The following NCAPH2 variants were observed in gnomAD, a reference collection of about 807,000 sequenced individuals.
The protein encoded by NCAPH2 is non-SMC condensin II complex subunit H2, also known as condensin-2 complex subunit H2.
A neutral mutation model predicts 88.6 loss-of-function variants in NCAPH2; 56 were observed. The observed-to-expected ratio is 0.63, with a 90% CI of 0.51 to 0.79. NCAPH2 has a LOEUF of 0.79. Among genes scored for constraint, NCAPH2 ranks in the 30% least tolerant of loss-of-function variants. The pLI, the probability that NCAPH2 is intolerant of heterozygous loss-of-function variation, is 0.00. For synonymous variants in NCAPH2, 378 were observed against 313.6 expected, an observed-to-expected ratio of 1.21 and a Z score of -2.17; for missense variants, 794 against 792.0, an observed-to-expected ratio of 1.00 and a Z score of -0.03.
At chr22:50,515,113 A>G (rs897256103) in intron 1 of NCAPH2, among the ~76,000 whole-genome samples, 2 of 152,252 alleles carry the variant, frequency 1.3e-5, no homozygotes, top group Non-Finnish European at 2.9e-5. Context: ...CACACAGTTC[A>G]CTAAGGGACA....
chr22:50,515,324 G>A (rs1302810183), intron 1 of NCAPH2, among the ~76,000 whole-genome samples: 1 of 151,968 alleles, frequency 6.6e-6, no homozygotes, highest in East Asian at 1.9e-4. Flanking sequence ...GCTTTGGGAG[G>A]CTGAGGCAGG....
chr22:50,520,016 G>A (rs1176624766), intron 9 of NCAPH2, among the ~76,000 whole-genome samples: 1 of 151,968 alleles, frequency 6.6e-6, no homozygotes, highest in Non-Finnish European at 1.5e-5. Flanking sequence ...GACTACAGGC[G>A]CCCGCCACCA....
intron 1 of NCAPH2, among the ~76,000 whole-genome samples, chr22:50,510,721 C>T (rs555251241): frequency 1.3e-5 from 2 of 152,336 alleles, no homozygotes; most frequent in African/African-American, 4.8e-5. Flanking sequence ...TGAGCCACCA[C>T]GCCTGGCTGA....
intron 1 of NCAPH2, 142 bp from the exon 2 acceptor site, chr22:50,516,305 C>T (rs767286499): frequency 1.6e-5 from 11 of 677,938 alleles, no homozygotes; most frequent in Non-Finnish European, 2.8e-5. Flanking sequence ...ATACCAGGGA[C>T]AACCGGTGAG....
intron 1 of NCAPH2, among the ~76,000 whole-genome samples, chr22:50,511,171 T>G (rs1051837864): frequency 1.2e-4 from 18 of 147,114 alleles, no homozygotes; most frequent in Non-Finnish European, 2.1e-4. Context: ...TATTTATATG[T>G]TTTTTTTTTG....
Position 50,522,658 on chromosome 22 carries a change from T to C in NCAPH2, c.1376-13T>C. 1 of 1,613,668 alleles carries C rather than the reference T, an allele frequency of 6.2e-7. No individual in the cohort carries two copies. Among genetic ancestry groups the C allele is most frequent in the Non-Finnish European group, 8.5e-7 (1 of 1,179,990 alleles). ...GCCCCTTAGCTGCCCAGCTCACAGC[T>C]ACCCCTTCCCAGACGCAGTGCCGAT... is the stretch of plus-strand genomic sequence containing the variant. On this transcript the variant is annotated splice_polypyrimidine_tract_variant and intron_variant, in intron 16 of 19. Transcript: ENST00000420993.
At chr22:50,516,800 T>C (rs947785140) in intron 2 of NCAPH2, among the ~76,000 whole-genome samples, 9 of 152,208 alleles carry the variant, frequency 5.9e-5, no homozygotes, top group African/African-American at 2.2e-4. Context: ...CTGTGTGCAC[T>C]TGGACACAGC....
intron 15 of NCAPH2, 43 bp downstream of exon 15, chr22:50,522,458 G>A (rs375431613): frequency 5.5e-5 from 88 of 1,613,124 alleles, no homozygotes; most frequent in East Asian, 2.5e-4. Context: ...GGCACCTGCC[G>A]ACTAGCTGCC....
chr22:50,510,503 C>T (rs2148655048), intron 1 of NCAPH2, among the ~76,000 whole-genome samples: 1 of 152,246 alleles, frequency 6.6e-6, no homozygotes, highest in African/African-American at 2.4e-5. Flanking sequence ...TCTTGGCTCA[C>T]TGCAACCTCC....
chr22:50,509,748 C>T (rs556768845), intron 1 of NCAPH2, among the ~76,000 whole-genome samples: 81 of 152,226 alleles, frequency 5.3e-4, no homozygotes, highest in African/African-American at 1.6e-3. Flanking sequence ...TCCATTATGC[C>T]CAGAATAAAA....
Position 50,522,720 on chromosome 22 carries a change from G to T in NCAPH2, c.1425G>T (p.Val475=). Residue 475 remains valine, a splice_region_variant and synonymous_variant, in exon 17 of 20, where the codon GTG becomes GTT. Transcript: ENST00000420993. ...ACGAGGAGCTGGTTCGAAGGAATGTGGTAGGCCTGGGTTAGAGGGAGACGG... is the reference window on the plus strand; with the variant it reads ...ACGAGGAGCTGGTTCGAAGGAATGTTGTAGGCCTGGGTTAGAGGGAGACGG... ...LSYEELVRRN[V]ELFIATSQKF... is the part of the protein sequence containing the mutation. 6.2e-7 allele frequency: 1 copy of T among 1,613,550 alleles called. No homozygotes were observed. Among genetic ancestry groups the T allele is most frequent in the Non-Finnish European group, 8.5e-7 (1 of 1,179,968 alleles).
rs1315121212 is a variant in NCAPH2 at position 50,511,710 on chromosome 22, A to G, written c.108+3265A>G. ...GCCCAAGTTGGAGTGCAGTGGCACAATCTCGGCTCACTGCAAGCTCCATCT... is the reference window on the plus strand; with the variant it reads ...GCCCAAGTTGGAGTGCAGTGGCACAGTCTCGGCTCACTGCAAGCTCCATCT... On this transcript the variant is annotated intron_variant, in intron 1 of 19. Transcript: ENST00000420993. 1.8e-4 allele frequency among the ~76,000 whole-genome samples: 26 copies of G among 143,228 alleles called. 2 individuals are homozygous for G. The highest frequency in any genetic ancestry group is 3.1e-4 in the Non-Finnish European group (21 of 67,166). The allele number at this position is 143,228 out of a possible 152,430, so 94.0% of individuals were successfully genotyped here. A position where few individuals can be genotyped will look rare whatever the true frequency, so the allele number is the denominator to read the frequency against.
In NCAPH2 at chr22:50,522,408, G is replaced by A. The variant is rs1467614243; in HGVS notation, c.1299G>A (p.Gly433=). The A allele has an allele frequency of 6.2e-6, 10 of 1,611,004 alleles. No homozygotes were observed. Among genetic ancestry groups the A allele is most frequent in the East Asian group, 2.2e-5 (1 of 44,860 alleles). The change falls in exon 15 of 20, where the codon GGG becomes GGA. Residue 433 remains glycine (G), a synonymous_variant. Coordinates refer to ENST00000420993, the MANE Select transcript of NCAPH2 (RefSeq NM_152299.4). ...TGGAGGATTCCCTGGAAGACCTGGG[G>A]GCAGCAGGTGGGTGCCTGCCAGGGG... ...DHLEDSLEDL[G]AADDFLEPEE...
chr22:50,515,620 T>G (rs1603440843), intron 1 of NCAPH2: 1 of 867,900 alleles, frequency 1.2e-6, no homozygotes, highest in Admixed American at 3.5e-5. Context: ...ATGGTCTCGA[T>G]CTCCTGACCT....
Position 50,524,496 on chromosome 22 carries a change from T to G in NCAPH2, c.*1121T>G. On this transcript the variant is annotated 3_prime_UTR_variant, in exon 20 of 20. Transcript: ENST00000420993. ...CAGTGCCTGGGCTGCCCCTGCGACT[T>G]GAGACCAGCCACCCATCTGAAGGAC... is the stretch of plus-strand genomic sequence containing the variant. The G allele has an allele frequency of 1.4e-6, 2 of 1,406,986 alleles. No individual in the cohort carries two copies. Among genetic ancestry groups the G allele is most frequent in the Non-Finnish European group, 2.0e-6 (2 of 1,008,432 alleles). 87.2% of individuals were successfully genotyped at this position (1,406,986 alleles called of 1,614,324 possible).
intron 4 of NCAPH2, 38 bp downstream of exon 4, chr22:50,517,699 G>A (rs2068965978): frequency 1.2e-6 from 2 of 1,614,124 alleles, no homozygotes; most frequent in South Asian, 1.1e-5. Context: ...CCCACTGTGT[G>A]TTTGCCTGGG....
At chr22:50,508,736 C>G (rs1312381931) in intron 1 of NCAPH2, among the ~76,000 whole-genome samples, 1 of 152,242 alleles carries the variant, frequency 6.6e-6, no homozygotes, top group African/African-American at 2.4e-5. Flanking sequence ...GTGGAATAGA[C>G]TAGAAAGCAT....
intron 1 of NCAPH2, among the ~76,000 whole-genome samples, chr22:50,514,572 A>G (rs578088570): frequency 1.3e-4 from 20 of 152,252 alleles, no homozygotes; most frequent in African/African-American, 4.3e-4. Flanking sequence ...GAAGCCCAGT[A>G]GTGTCTTGGG....
chr22:50,522,467 C>T (rs2069134503), intron 15 of NCAPH2, 34 bp from the exon 16 acceptor site: 2 of 1,613,352 alleles, frequency 1.2e-6, no homozygotes, highest in African/African-American at 2.7e-5. Context: ...CGACTAGCTG[C>T]CTGCGTGCTG....
Sources: allele counts gnomAD v4.1 joint callset (sites outside exome capture counted in the v4.1 genomes callset), GRCh38; gene constraint gnomAD v4.1.1; transcripts MANE v1.5; gene names NCBI Gene and HGNC (gene_info 2026-07-23, HGNC 2026-07-21).